The following NMRAL1 variants were observed in gnomAD, a reference collection of about 807,000 sequenced individuals.
The protein encoded by NMRAL1 is NmrA like redox sensor 1.
In NMRAL1, 32 loss-of-function variants were observed where a neutral mutation model predicts 27.5. The ratio of observed to expected loss-of-function variants is 1.16; its 90% CI spans 0.88 to 1.56. The LOEUF (loss-of-function observed/expected upper bound fraction) is 1.56, where lower values mean the gene tolerates loss of function less well. Among genes scored for constraint, NMRAL1 ranks in the 40% most tolerant of loss-of-function variants. The pLI is 0.00. For synonymous variants in NMRAL1, 166 were observed against 166.8 expected (o/e 1.00, Z 0.04); for missense variants, 420 against 392.0 (o/e 1.07, Z -0.60).
At chr16:4,466,649 G>T (rs192835850) in intron 3 of NMRAL1, 15 of 531,800 alleles carry the variant, frequency 2.8e-5, no homozygotes, top group South Asian at 1.9e-4. Flanking sequence ...AGGACGGGGG[G>T]GCAGGTCGGC....
At chr16:4,464,707 C>T (rs2057250358) in intron 4 of NMRAL1, among the ~76,000 whole-genome samples, 1 of 151,108 alleles carries the variant, frequency 6.6e-6, no homozygotes, top group Non-Finnish European at 1.5e-5. Flanking sequence ...CTCCACCTCC[C>T]GGGTTCACAC....
chr16:4,462,928 C>T (rs970180586), intron 5 of NMRAL1, among the ~76,000 whole-genome samples: 1 of 151,690 alleles, frequency 6.6e-6, no homozygotes, highest in Non-Finnish European at 1.5e-5. Flanking sequence ...CATCTCGGCT[C>T]GCTGCAAACT....
chr16:4,473,732 C>A (rs1177384573), intron 2 of NMRAL1, among the ~76,000 whole-genome samples: 1 of 151,896 alleles, frequency 6.6e-6, no homozygotes, highest in Non-Finnish European at 1.5e-5. Context: ...TTGAGACCAG[C>A]CTGACCAATA....
intron 5 of NMRAL1, among the ~76,000 whole-genome samples, chr16:4,462,458 A>C (rs2057144654): frequency 6.6e-6 from 1 of 152,196 alleles, no homozygotes; most frequent in Admixed American, 6.5e-5. Flanking sequence ...AGCCTGGGCA[A>C]CAAGAGTGAG....
intron 3 of NMRAL1, among the ~76,000 whole-genome samples, chr16:4,467,783 C>G (rs2057384936): frequency 6.6e-6 from 1 of 151,538 alleles, no homozygotes; most frequent in South Asian, 2.1e-4. Context: ...CCATGCCCAG[C>G]TAATTTTTGT....
intron 2 of NMRAL1, among the ~76,000 whole-genome samples, chr16:4,472,807 A>G (rs2057626768): frequency 6.6e-6 from 1 of 152,004 alleles, no homozygotes; most frequent in Admixed American, 6.6e-5. Flanking sequence ...CCTTGAAAAC[A>G]TGCTAACTGA....
chr16:4,469,979 A>G (rs1486988137), intron 2 of NMRAL1, among the ~76,000 whole-genome samples: 2 of 151,542 alleles, frequency 1.3e-5, no homozygotes, highest in Non-Finnish European at 1.5e-5. Flanking sequence ...CCTGGCTAAC[A>G]CAGTGAAACC....
At chr16:4,466,020 C>T in intron 4 of NMRAL1, 133 bp downstream of exon 4, 2 of 1,036,726 alleles carry the variant, frequency 1.9e-6, no homozygotes, top group Non-Finnish European at 2.8e-6. Context: ...ACAGGATGTG[C>T]TCAGTCCTGG....
In NMRAL1 at chr16:4,463,785, T is replaced by C; in HGVS notation, c.595A>G (p.Ser199Gly). The C allele has an allele frequency of 6.2e-7, 1 of 1,614,146 alleles. No homozygotes were observed. Among genetic ancestry groups the C allele is most frequent in the South Asian group, 1.1e-5 (1 of 91,088 alleles). Reference sequence around the variant, plus strand: ...TATTTTTCTGGCATCTTCAAAAGGCTGAGCACCACAGGACCCAGGTCAGAC... The same window carrying C: ...TATTTTTCTGGCATCTTCAAAAGGCCGAGCACCACAGGACCCAGGTCAGAC... ...SVSDLGPVVL[S>G]LLKMPEKYVG... The change falls in exon 5 of 6, where the codon AGC (serine) becomes GGC (glycine). Residue 199 changes from serine (S) to glycine (G), a missense_variant. By Grantham distance (56) the Ser-to-Gly change is moderately conservative. Coordinates refer to ENST00000283429, the MANE Select transcript of NMRAL1 (RefSeq NM_020677.6).
intron 5 of NMRAL1, among the ~76,000 whole-genome samples, chr16:4,462,923 C>T (rs1013996332): frequency 4.6e-5 from 7 of 151,660 alleles, no homozygotes; most frequent in African/African-American, 1.5e-4. Context: ...AGTGGCATCT[C>T]GGCTCGCTGC....
chr16:4,465,032 C>T (rs765599610), intron 4 of NMRAL1, among the ~76,000 whole-genome samples: 12 of 152,086 alleles, frequency 7.9e-5, no homozygotes, highest in Non-Finnish European at 1.2e-4. Flanking sequence ...CTCAGCCTCC[C>T]GAGTAGCTGG....
intron 2 of NMRAL1, among the ~76,000 whole-genome samples, chr16:4,470,161 CAAAAAAAAA>C (rs34104543): frequency 1.9e-5 from 1 of 51,474 alleles, no homozygotes; most frequent in African/African-American, 4.7e-5. Flanking sequence ...GATTCCCTCT[CAAAAAAAAA>C]AAAAAAAAAA....
intron 3 of NMRAL1, 30 bp from the exon 4 acceptor site, chr16:4,466,432 G>A (rs1418388551): frequency 6.2e-7 from 1 of 1,602,632 alleles, no homozygotes; most frequent in East Asian, 2.2e-5. Flanking sequence ...AGATCACAAG[G>A]CTCAGAAGAA....
At chr16:4,470,670 G>A (rs1309171175) in intron 2 of NMRAL1, among the ~76,000 whole-genome samples, 1 of 151,602 alleles carries the variant, frequency 6.6e-6, no homozygotes, top group Non-Finnish European at 1.5e-5. Context: ...AAATGAGGCC[G>A]GGTGCAGTAG....
At chr16:4,466,949 T>C (rs2057354219) in intron 3 of NMRAL1, 1 of 156,402 alleles carries the variant, frequency 6.4e-6, no homozygotes, top group Non-Finnish European at 1.4e-5. Context: ...CAAAAAGATA[T>C]GCCGCATCCT....
intron 2 of NMRAL1, among the ~76,000 whole-genome samples, chr16:4,473,638 G>C (rs1428982714): frequency 6.6e-6 from 1 of 151,596 alleles, no homozygotes; most frequent in African/African-American, 2.4e-5. Context: ...TTTTAATTTG[G>C]AAAGCAGGTC....
At position 4,466,281 on chromosome 16, in the gene NMRAL1, C is replaced by T; in HGVS notation, c.401G>A (p.Gly134Glu). The change falls in exon 4 of 6, where the codon GGG (glycine) becomes GAG (glutamate). Residue 134 changes from glycine (G) to glutamate (E), a missense_variant. Gly to Glu is a moderately conservative substitution (Grantham distance 98). Coordinates refer to ENST00000283429, the MANE Select transcript of NMRAL1 (RefSeq NM_020677.6). ...GTCCCGGAAATATTCCTCCACCTCCCCTTTGCCGTCAAAGTGCGCGGCGGC... is the reference window on the plus strand; with the variant it reads ...GTCCCGGAAATATTCCTCCACCTCCTCTTTGCCGTCAAAGTGCGCGGCGGC... ...RLAAAHFDGK[G>E]EVEEYFRDIG... 3 of 1,614,110 alleles carry T rather than the reference C, an allele frequency of 1.9e-6. No individual in the cohort carries two copies. Among genetic ancestry groups the T allele is most frequent in the Non-Finnish European group, 2.5e-6 (3 of 1,180,044 alleles).
Position 4,469,320 on chromosome 16 carries a change from C to G in NMRAL1, c.186G>C (p.Gln62His). ...AEVVQGDQDD[Q>H]VIMELALNGA... The stretch of plus-strand genomic sequence containing the variant: ...CATTCAGGGCCAGCTCCATGATGAC[C>G]TGGTCATCTTGGTCTCCCTGCACTA... Residue 62 changes from glutamine (Q) to histidine (H), a missense_variant, in exon 3 of 6, where the codon CAG (glutamine) becomes CAC (histidine). Coordinates refer to ENST00000283429, the MANE Select transcript of NMRAL1 (RefSeq NM_020677.6). 1 of 1,614,196 alleles carries G rather than the reference C, an allele frequency of 6.2e-7. No homozygotes were observed. Among genetic ancestry groups the G allele is most frequent in the Non-Finnish European group, 8.5e-7 (1 of 1,180,014 alleles).
chr16:4,472,129 G>C (rs1023436478), intron 2 of NMRAL1, among the ~76,000 whole-genome samples: 2 of 151,950 alleles, frequency 1.3e-5, no homozygotes, highest in Non-Finnish European at 2.9e-5. Flanking sequence ...TAGCCAAAAA[G>C]TGGAAATAAA....
Sources: allele counts gnomAD v4.1 joint callset (sites outside exome capture counted in the v4.1 genomes callset), GRCh38; gene constraint gnomAD v4.1.1; transcripts MANE v1.5; gene names NCBI Gene and HGNC (gene_info 2026-07-23, HGNC 2026-07-21).